The following CDK19 variants were observed in gnomAD, a reference collection of about 807,000 sequenced individuals.
The protein encoded by CDK19 is cyclin dependent kinase 19.
A neutral mutation model predicts 68.3 loss-of-function variants in CDK19; 20 were observed. The ratio of observed to expected loss-of-function variants is 0.29; its 90% CI spans 0.21 to 0.43. The LOEUF (loss-of-function observed/expected upper bound fraction) is 0.43, where lower values mean the gene tolerates loss of function less well. Among genes scored for constraint, CDK19 ranks in the 20% least tolerant of loss-of-function variants. The probability of loss-of-function intolerance (pLI) is 1.00; values close to 1 mark genes in which losing one functional copy is unlikely to be tolerated. For synonymous variants in CDK19, 221 were observed against 222.8 expected (o/e 0.99, Z 0.07); for missense variants, 339 against 623.5 (o/e 0.54, Z 4.86).
At position 110,650,344 on chromosome 6, in the gene CDK19, T is replaced by C. The variant is rs1047734658; in HGVS notation, c.457-11638A>G. ...AAACATAAGCATGCTACTGGTAATC[T>C]TCCACTTACTGGGTAAGTGACAGGT... On this transcript the variant is annotated intron_variant, in intron 4 of 12. Coordinates refer to ENST00000368911, the MANE Select transcript of CDK19 (RefSeq NM_015076.5). 1.3e-5 allele frequency among the ~76,000 whole-genome samples: 2 copies of C among 152,168 alleles called. 1 individual carries two copies. The highest frequency in any genetic ancestry group is 4.1e-4 in the South Asian group (2 of 4,830).
intron 4 of CDK19, among the ~76,000 whole-genome samples, chr6:110,655,021 T>C (rs1781218052): frequency 6.6e-6 from 1 of 152,058 alleles, no homozygotes; most frequent in African/African-American, 2.4e-5. Flanking sequence ...CCAAGCTCAC[T>C]TCTGAATAAC....
At chr6:110,770,514 G>T (rs1241374779) in intron 1 of CDK19, among the ~76,000 whole-genome samples, 1 of 152,128 alleles carries the variant, frequency 6.6e-6, no homozygotes, top group Non-Finnish European at 1.5e-5. Flanking sequence ...TCTCCCACTG[G>T]CTCCATCCCA....
intron 4 of CDK19, among the ~76,000 whole-genome samples, chr6:110,639,877 G>A (rs1243168437): frequency 6.6e-6 from 1 of 152,088 alleles, no homozygotes; most frequent in East Asian, 1.9e-4. Context: ...GGACACCATA[G>A]GAAGTGGAAA....
intron 2 of CDK19, among the ~76,000 whole-genome samples, chr6:110,723,147 A>C (rs1776051642): frequency 9.6e-6 from 1 of 104,648 alleles, no homozygotes; most frequent in Non-Finnish European, 2.4e-5. Flanking sequence ...AAAAAAACAA[A>C]AAACAAAAAA....
At chr6:110,729,718 G>A (rs923892493) in intron 2 of CDK19, among the ~76,000 whole-genome samples, 2 of 151,546 alleles carry the variant, frequency 1.3e-5, no homozygotes, top group African/African-American at 4.9e-5. Flanking sequence ...TTACAGGCGT[G>A]AGCCACCACG....
intron 1 of CDK19, among the ~76,000 whole-genome samples, chr6:110,767,276 T>C (rs78940715): frequency 0.02 from 2,950 of 151,152 alleles, 101 homozygotes; most frequent in African/African-American, 0.068. Context: ...AAATCACAGA[T>C]AGGAGGAATA....
chr6:110,689,179 A>G, intron 2 of CDK19, among the ~76,000 whole-genome samples: 1 of 152,050 alleles, frequency 6.6e-6, no homozygotes. Context: ...AGAGGCAGCT[A>G]TGTTCCTCTC....
chr6:110,807,694 A>G (rs887982147), intron 1 of CDK19, among the ~76,000 whole-genome samples: 4 of 152,138 alleles, frequency 2.6e-5, no homozygotes, highest in African/African-American at 9.7e-5. Flanking sequence ...TCCTTGCCTC[A>G]AGTGATCTGC....
intron 12 of CDK19, among the ~76,000 whole-genome samples, chr6:110,617,647 T>G (rs1241812762): frequency 1.3e-5 from 1 of 76,990 alleles, no homozygotes; most frequent in East Asian, 3.5e-4. Context: ...AATAATAAAA[T>G]TATTTATATA....
chr6:110,698,593 T>C (rs1387660257), intron 2 of CDK19, among the ~76,000 whole-genome samples: 1 of 152,166 alleles, frequency 6.6e-6, no homozygotes, highest in African/African-American at 2.4e-5. Flanking sequence ...GAAAACAGTA[T>C]GGAAAATTCT....
At chr6:110,751,252 C>G (rs1343339739) in intron 1 of CDK19, among the ~76,000 whole-genome samples, 1 of 152,180 alleles carries the variant, frequency 6.6e-6, no homozygotes, top group Non-Finnish European at 1.5e-5. Context: ...GGTGGGCGAG[C>G]AAGCAATGCT....
intron 1 of CDK19, among the ~76,000 whole-genome samples, chr6:110,760,083 T>C (rs1779126306): frequency 6.6e-6 from 1 of 152,108 alleles, no homozygotes; most frequent in Non-Finnish European, 1.5e-5. Flanking sequence ...GTACTTACTA[T>C]ATGGCAGGGA....
chr6:110,747,258 C>T (rs1778141663), intron 1 of CDK19, among the ~76,000 whole-genome samples: 1 of 152,160 alleles, frequency 6.6e-6, no homozygotes, highest in African/African-American at 2.4e-5. Flanking sequence ...CATTTTAAAA[C>T]ACCATTTTAA....
chr6:110,646,188 C>T (rs993337703), intron 4 of CDK19: 2 of 1,279,748 alleles, frequency 1.6e-6, no homozygotes, highest in Admixed American at 4.4e-5. Flanking sequence ...GAGCCTGTTC[C>T]TCCGCATCCT....
chr6:110,764,634 A>C (rs1257939037), intron 1 of CDK19, among the ~76,000 whole-genome samples: 3 of 152,180 alleles, frequency 2.0e-5, no homozygotes, highest in African/African-American at 7.2e-5. Flanking sequence ...CTGCTGACTT[A>C]ATATAAAATG....
chr6:110,748,600 T>C (rs771793758), intron 1 of CDK19, among the ~76,000 whole-genome samples: 11 of 152,232 alleles, frequency 7.2e-5, no homozygotes, highest in Non-Finnish European at 2.9e-5. Context: ...TATGAAGAAG[T>C]TGCAAGGTCC....
intron 1 of CDK19, among the ~76,000 whole-genome samples, chr6:110,785,638 G>C (rs183375293): frequency 6.6e-6 from 1 of 152,228 alleles, no homozygotes; most frequent in East Asian, 1.9e-4. Flanking sequence ...AGGCGGAGGA[G>C]GTAGAAGGGG....
intron 12 of CDK19, among the ~76,000 whole-genome samples, chr6:110,615,377 T>C (rs577185422): frequency 6.6e-5 from 10 of 152,154 alleles, no homozygotes; most frequent in Non-Finnish European, 1.2e-4. Context: ...AAAAAATGTG[T>C]AAAAGGAAAA....
At chr6:110,680,255 G>A (rs1771893884) in intron 2 of CDK19, among the ~76,000 whole-genome samples, 1 of 152,208 alleles carries the variant, frequency 6.6e-6, no homozygotes, top group Non-Finnish European at 1.5e-5. Context: ...CTCAGGATGG[G>A]ATCTTTAACC....
Sources: allele counts gnomAD v4.1 joint callset (sites outside exome capture counted in the v4.1 genomes callset), GRCh38; gene constraint gnomAD v4.1.1; transcripts MANE v1.5; gene names NCBI Gene and HGNC (gene_info 2026-07-23, HGNC 2026-07-21).